NCOA1: variants seen among roughly 807,000 people sequenced by gnomAD.
The protein encoded by NCOA1 is nuclear receptor coactivator 1.
A neutral mutation model predicts 150.9 loss-of-function variants in NCOA1; 35 were observed. That is an observed-to-expected ratio of 0.23 (90% CI 0.18 to 0.31). The LOEUF is 0.31. Ranked by LOEUF, NCOA1 falls within the 10% of genes least tolerant of loss-of-function variation. NCOA1 has a pLI of 1.00. For synonymous variants in NCOA1, 590 were observed against 630.0 expected (o/e 0.94, Z 0.95); for missense variants, 1,491 against 1,749.3 (o/e 0.85, Z 2.63).
At chr2:24,535,525 A>G (rs1220516754) in intron 1 of NCOA1, among the ~76,000 whole-genome samples, 1 of 152,196 alleles carries the variant, frequency 6.6e-6, no homozygotes, top group South Asian at 2.1e-4. Flanking sequence ...CCGTTAATTC[A>G]TGCAGTTTCT....
intron 1 of NCOA1, among the ~76,000 whole-genome samples, chr2:24,498,741 A>G (rs562385290): frequency 6.6e-6 from 1 of 152,190 alleles, no homozygotes; most frequent in Admixed American, 6.5e-5. Context: ...TAATGGAGGG[A>G]GGTGGTGGGG....
chr2:24,549,006 A>T (rs1665720084), intron 1 of NCOA1, among the ~76,000 whole-genome samples: 1 of 151,758 alleles, frequency 6.6e-6, no homozygotes, highest in South Asian at 2.1e-4. Flanking sequence ...CCCAGTAGGG[A>T]CTGTGTGTGG....
chr2:24,637,976 G>A (rs562719720), intron 3 of NCOA1, among the ~76,000 whole-genome samples: 1 of 152,060 alleles, frequency 6.6e-6, no homozygotes, highest in Admixed American at 6.5e-5. Context: ...GATTACAGAC[G>A]TGAGCCACTG....
intron 3 of NCOA1, among the ~76,000 whole-genome samples, chr2:24,614,917 C>A (rs954197700): frequency 1.3e-5 from 2 of 152,198 alleles, no homozygotes; most frequent in Non-Finnish European, 2.9e-5. Context: ...CTTCACATAT[C>A]TTGTCATTTA....
At chr2:24,608,049 T>G (rs1042967866) in intron 3 of NCOA1, among the ~76,000 whole-genome samples, 14 of 152,010 alleles carry the variant, frequency 9.2e-5, no homozygotes, top group African/African-American at 3.4e-4. Flanking sequence ...TCTTGTACTT[T>G]TAAGCAAAAC....
intron 1 of NCOA1, among the ~76,000 whole-genome samples, chr2:24,564,046 G>A (rs1666396696): frequency 6.6e-6 from 1 of 152,058 alleles, no homozygotes; most frequent in South Asian, 2.1e-4. Flanking sequence ...CCTCCTTTGG[G>A]GATCTGAGCT....
chr2:24,746,646 G>A (rs1157265712), intron 19 of NCOA1, among the ~76,000 whole-genome samples: 1 of 152,230 alleles, frequency 6.6e-6, no homozygotes, highest in African/African-American at 2.4e-5. Flanking sequence ...GGTCCAGTGT[G>A]TAGCAGAACT....
chr2:24,729,419 A>G, intron 16 of NCOA1, 82 bp from the exon 17 acceptor site: 1 of 1,317,152 alleles, frequency 7.6e-7, no homozygotes, highest in Admixed American at 2.0e-5. Flanking sequence ...TGAATATATG[A>G]TGGTGCTTTC....
At chr2:24,546,715 G>T (rs899321431) in intron 1 of NCOA1, among the ~76,000 whole-genome samples, 13 of 152,136 alleles carry the variant, frequency 8.5e-5, no homozygotes, top group African/African-American at 3.1e-4. Flanking sequence ...GTTTGAGCAG[G>T]GCTCAGATAG....
intron 6 of NCOA1, among the ~76,000 whole-genome samples, chr2:24,668,080 A>G (rs1226234264): frequency 2.6e-5 from 4 of 152,196 alleles, no homozygotes; most frequent in African/African-American, 9.7e-5. Context: ...GTAGGCTTTC[A>G]ATGCATATTT....
At chr2:24,676,043 TAG>T (rs1444488638) in intron 7 of NCOA1, among the ~76,000 whole-genome samples, 6 of 152,234 alleles carry the variant, frequency 3.9e-5, no homozygotes, top group South Asian at 4.1e-4. Flanking sequence ...CCAATTTTCC[TAG>T]AGTGGCCTCA....
At chr2:24,493,440 CATT>C (rs1379072247) in intron 1 of NCOA1, among the ~76,000 whole-genome samples, 1 of 152,168 alleles carries the variant, frequency 6.6e-6, no homozygotes, top group Non-Finnish European at 1.5e-5. Context: ...TATTTAACAA[CATT>C]GAAGTTTGCT....
At chr2:24,526,695 CAA>C (rs1664667067) in intron 1 of NCOA1, among the ~76,000 whole-genome samples, 1 of 148,918 alleles carries the variant, frequency 6.7e-6, no homozygotes, top group Non-Finnish European at 1.5e-5. Context: ...GCCTTTGTGA[CAA>C]GAGCGAGACC....
chr2:24,582,864 C>T (rs1311726199), intron 2 of NCOA1, among the ~76,000 whole-genome samples: 2 of 152,082 alleles, frequency 1.3e-5, no homozygotes, highest in Admixed American at 6.5e-5. Flanking sequence ...AAAGACAAGC[C>T]TCTTCAATAA....
At chr2:24,634,486 T>C (rs1440459727) in intron 3 of NCOA1, among the ~76,000 whole-genome samples, 1 of 152,200 alleles carries the variant, frequency 6.6e-6, no homozygotes, top group African/African-American at 2.4e-5. Context: ...CACCTTGCTT[T>C]CTCATCTGAT....
At chr2:24,582,616 G>C (rs995042705) in intron 2 of NCOA1, among the ~76,000 whole-genome samples, 1 of 152,076 alleles carries the variant, frequency 6.6e-6, no homozygotes, top group Non-Finnish European at 1.5e-5. Flanking sequence ...CCTAAAATTT[G>C]TATGAAACCA....
chr2:24,639,384 T>G (rs1351648890), intron 3 of NCOA1, among the ~76,000 whole-genome samples: 1 of 152,150 alleles, frequency 6.6e-6, no homozygotes, highest in Non-Finnish European at 1.5e-5. Context: ...TGATCTGTGG[T>G]GACATCCCTC....
chr2:24,570,556 A>G (rs889920478), intron 2 of NCOA1, among the ~76,000 whole-genome samples: 1 of 47,294 alleles, frequency 2.1e-5, no homozygotes, highest in Admixed American at 3.7e-4. Context: ...CTTTTCTCAG[A>G]TAGAATAAAA....
chr2:24,526,364 T>G (rs1190604824), intron 1 of NCOA1, among the ~76,000 whole-genome samples: 1 of 152,126 alleles, frequency 6.6e-6, no homozygotes, highest in East Asian at 1.9e-4. Context: ...TGTTCCTCTT[T>G]CCTCTCTACC....
Sources: allele counts gnomAD v4.1 joint callset (sites outside exome capture counted in the v4.1 genomes callset), GRCh38; gene constraint gnomAD v4.1.1; transcripts MANE v1.5; gene names NCBI Gene and HGNC (gene_info 2026-07-23, HGNC 2026-07-21).